The following CACNA2D3 variants were observed in gnomAD, a reference collection of about 807,000 sequenced individuals.
CACNA2D3 encodes the protein voltage-dependent calcium channel subunit alpha-2/delta-3.
A neutral mutation model predicts 160.6 loss-of-function variants in CACNA2D3; 60 were observed. The observed-to-expected ratio is 0.37, with a 90% CI of 0.30 to 0.46. The LOEUF (loss-of-function observed/expected upper bound fraction) is 0.46, where lower values mean the gene tolerates loss of function less well. Ranked by LOEUF, CACNA2D3 falls within the 20% of genes least tolerant of loss-of-function variation. The pLI, the probability that CACNA2D3 is intolerant of heterozygous loss-of-function variation, is 1.00. For synonymous variants in CACNA2D3, 558 were observed against 492.9 expected (o/e 1.13, Z -1.75); for missense variants, 1,205 against 1,365.0 (o/e 0.88, Z 1.85).
intron 4 of CACNA2D3, among the ~76,000 whole-genome samples, chr3:54,494,825 TGAGA>T (rs1701177847): frequency 6.6e-6 from 1 of 151,462 alleles, no homozygotes; most frequent in Non-Finnish European, 1.5e-5. Flanking sequence ...TGGCGGCAGG[TGAGA>T]GAGAGGGAGA....
intron 4 of CACNA2D3, among the ~76,000 whole-genome samples, chr3:54,497,810 A>T (rs1178259017): frequency 6.6e-6 from 1 of 151,962 alleles, no homozygotes; most frequent in Non-Finnish European, 1.5e-5. Flanking sequence ...TATGATGAAC[A>T]AAAATTGAAT....
At chr3:54,935,391 A>G (rs1332786040) in intron 27 of CACNA2D3, among the ~76,000 whole-genome samples, 1 of 152,236 alleles carries the variant, frequency 6.6e-6, no homozygotes, top group Non-Finnish European at 1.5e-5. Context: ...AAGTATGATT[A>G]AAGGTAATTA....
intron 3 of CACNA2D3, among the ~76,000 whole-genome samples, chr3:54,356,899 C>G (rs1016241524): frequency 1.3e-5 from 2 of 152,068 alleles, no homozygotes; most frequent in East Asian, 1.9e-4. Context: ...ACTTTTCTCC[C>G]TGGGTTTTCT....
chr3:54,512,100 G>C (rs1701468866), intron 5 of CACNA2D3, among the ~76,000 whole-genome samples: 1 of 152,174 alleles, frequency 6.6e-6, no homozygotes, highest in Admixed American at 6.5e-5. Context: ...ATGCAGACTA[G>C]ACTTCCAGGA....
At chr3:54,625,289 A>G (rs924014792) in intron 9 of CACNA2D3, among the ~76,000 whole-genome samples, 39 of 152,350 alleles carry the variant, frequency 2.6e-4, no homozygotes, top group African/African-American at 9.1e-4. Context: ...TCAAAAAGAA[A>G]AAAAAATATT....
intron 11 of CACNA2D3, among the ~76,000 whole-genome samples, chr3:54,679,935 C>A (rs1700310755): frequency 6.6e-6 from 1 of 152,234 alleles, no homozygotes; most frequent in African/African-American, 2.4e-5. Context: ...ATTGCTTGAA[C>A]CAGTGTGATA....
At chr3:54,996,394 G>A (rs978830886) in intron 31 of CACNA2D3, among the ~76,000 whole-genome samples, 1 of 152,230 alleles carries the variant, frequency 6.6e-6, no homozygotes, top group Admixed American at 6.5e-5. Context: ...GGGAGGGGCT[G>A]CGTGAATGGG....
chr3:54,294,298 C>G (rs1703286271), intron 2 of CACNA2D3, among the ~76,000 whole-genome samples: 1 of 152,212 alleles, frequency 6.6e-6, no homozygotes, highest in African/African-American at 2.4e-5. Context: ...ATTTCTGCCA[C>G]TTTCCAAAGA....
intron 35 of CACNA2D3, among the ~76,000 whole-genome samples, chr3:55,062,273 T>TC (rs1704530076): frequency 7.3e-6 from 1 of 137,644 alleles, no homozygotes; most frequent in Non-Finnish European, 1.5e-5. Flanking sequence ...GCACACATCA[T>TC]ATCTGTCTTT....
At chr3:54,837,351 T>G (rs1386441523) in intron 15 of CACNA2D3, 121 bp downstream of exon 15, 1 of 776,646 alleles carries the variant, frequency 1.3e-6, no homozygotes, top group Non-Finnish European at 2.2e-6. Context: ...TTTTTCCTTA[T>G]TGTTTGATCT....
chr3:54,925,004 C>T (rs1344753782), intron 27 of CACNA2D3: 1 of 1,614,056 alleles, frequency 6.2e-7, no homozygotes, highest in Non-Finnish European at 8.5e-7. Context: ...TGAGCCATGG[C>T]ACTGACCTAA....
intron 2 of CACNA2D3, among the ~76,000 whole-genome samples, chr3:54,253,092 T>G (rs1702226030): frequency 1.4e-5 from 2 of 146,346 alleles, no homozygotes; most frequent in South Asian, 4.4e-4. Context: ...AAAACTGCCC[T>G]GAGTTTAACC....
At chr3:54,848,454 G>A (rs1698982376) in intron 17 of CACNA2D3, among the ~76,000 whole-genome samples, 1 of 152,166 alleles carries the variant, frequency 6.6e-6, no homozygotes, top group Admixed American at 6.5e-5. Flanking sequence ...CTGTTTGTGA[G>A]AACCCAAACC....
chr3:54,803,469 GATGAA>G (rs1235298318), intron 13 of CACNA2D3, among the ~76,000 whole-genome samples: 1 of 152,094 alleles, frequency 6.6e-6, no homozygotes, highest in South Asian at 2.1e-4. Flanking sequence ...AGTGATGGAA[GATGAA>G]ATGAATGAAG....
At chr3:54,687,145 T>TTTTTTG (rs1559549507) in intron 11 of CACNA2D3, among the ~76,000 whole-genome samples, 1 of 74,590 alleles carries the variant, frequency 1.3e-5, no homozygotes, top group East Asian at 2.3e-4. Context: ...GTTTTTTTTT[T>TTTTTTG]TTTTTGTTTT....
At chr3:54,499,015 T>A (rs540226946) in intron 4 of CACNA2D3, among the ~76,000 whole-genome samples, 1 of 152,182 alleles carries the variant, frequency 6.6e-6, no homozygotes, top group South Asian at 2.1e-4. Flanking sequence ...TTTAAATGTA[T>A]TGAGACTTGT....
chr3:54,764,382 A>G, intron 13 of CACNA2D3, 31 bp downstream of exon 13: 1 of 1,612,388 alleles, frequency 6.2e-7, no homozygotes, highest in Non-Finnish European at 8.5e-7. Context: ...GAAAGAGGCT[A>G]AGCTTTACCC....
At chr3:54,413,574 T>G (rs532189355) in intron 4 of CACNA2D3, among the ~76,000 whole-genome samples, 1 of 151,542 alleles carries the variant, frequency 6.6e-6, no homozygotes, top group African/African-American at 2.4e-5. Flanking sequence ...AAATGATATC[T>G]ATGTTACATT....
At chr3:54,974,052 C>T (rs1702331631) in intron 29 of CACNA2D3, among the ~76,000 whole-genome samples, 2 of 152,136 alleles carry the variant, frequency 1.3e-5, no homozygotes, top group Admixed American at 1.3e-4. Context: ...TGAGTTGTTT[C>T]TCCAATCAAA....
Sources: allele counts gnomAD v4.1 joint callset (sites outside exome capture counted in the v4.1 genomes callset), GRCh38; gene constraint gnomAD v4.1.1; transcripts MANE v1.5; gene names NCBI Gene and HGNC (gene_info 2026-07-23, HGNC 2026-07-21).